SDK1: variants seen among roughly 807,000 people sequenced by gnomAD.
The protein encoded by SDK1 is protein sidekick-1.
In SDK1, 157 loss-of-function variants were observed where a neutral mutation model predicts 245.5. The ratio of observed to expected loss-of-function variants is 0.64; its 90% CI spans 0.56 to 0.73. The LOEUF (loss-of-function observed/expected upper bound fraction) is 0.73, where lower values mean the gene tolerates loss of function less well. Ranked by LOEUF, SDK1 falls within the 30% of genes least tolerant of loss-of-function variation. The pLI is 0.00. For synonymous variants in SDK1, 1,647 were observed against 1,278.5 expected (o/e 1.29, Z -6.15); for missense variants, 3,583 against 3,002.3 (o/e 1.19, Z -4.52).
At chr7:3,670,753 G>A (rs907547364) in intron 4 of SDK1, among the ~76,000 whole-genome samples, 2 of 152,142 alleles carry the variant, frequency 1.3e-5, no homozygotes, top group African/African-American at 2.4e-5. Flanking sequence ...TGCAGCAAAG[G>A]ACCTTACATC....
chr7:3,432,604 G>A (rs1012811104), intron 1 of SDK1, among the ~76,000 whole-genome samples: 46 of 152,082 alleles, frequency 3.0e-4, no homozygotes, highest in African/African-American at 9.2e-4. Flanking sequence ...GCTAGGTTTC[G>A]CATAGAAAAA....
intron 4 of SDK1, among the ~76,000 whole-genome samples, chr7:3,805,061 A>G (rs1779207626): frequency 6.6e-6 from 1 of 152,214 alleles, no homozygotes; most frequent in Admixed American, 6.5e-5. Context: ...ACATGAGGTA[A>G]TGTATGGTTA....
intron 22 of SDK1, among the ~76,000 whole-genome samples, chr7:4,093,458 C>CAAAAAAA (rs71032922): frequency 1.2e-4 from 9 of 77,780 alleles, no homozygotes; most frequent in Non-Finnish European, 2.0e-4. Context: ...AAATGGAAAG[C>CAAAAAAA]AAAAAAAAAA....
chr7:3,892,125 T>TGCC (rs1262942722), intron 5 of SDK1, among the ~76,000 whole-genome samples: 50 of 152,332 alleles, frequency 3.3e-4, no homozygotes, highest in Non-Finnish European at 8.8e-5. Flanking sequence ...CTTTCCAGCT[T>TGCC]GCCATCACCT....
chr7:4,016,473 ATCT>A (rs952640712), intron 16 of SDK1, among the ~76,000 whole-genome samples: 13 of 152,208 alleles, frequency 8.5e-5, no homozygotes, highest in African/African-American at 3.1e-4. Flanking sequence ...TACAATGCAA[ATCT>A]TCTCACAGTA....
rs139643573 is a variant in SDK1, at chr7:3,626,285, A to G, written c.458+7046A>G. Among the ~76,000 whole-genome samples the G allele has an allele frequency of 7.6e-4, 115 of 152,292 alleles. 2 individuals are homozygous for G. The highest frequency in any genetic ancestry group is 1.3e-3 in the Non-Finnish European group (90 of 68,018). On this transcript the variant is annotated intron_variant, in intron 2 of 44. Transcript: ENST00000404826. The stretch of plus-strand genomic sequence containing the variant: ...AGAGTAAGAGGACAAAATTGAGTCT[A>G]TTCCTTGAACCCCTCAGTGTAACTT...
chr7:3,321,979 G>T (rs574391733), intron 1 of SDK1, among the ~76,000 whole-genome samples: 156 of 150,632 alleles, frequency 1.0e-3, no homozygotes, highest in African/African-American at 3.6e-3. Context: ...TCCCTCTACA[G>T]GTCATCATTT....
intron 16 of SDK1, among the ~76,000 whole-genome samples, chr7:4,014,716 C>T (rs1450972922): frequency 6.6e-6 from 1 of 152,110 alleles, no homozygotes; most frequent in Admixed American, 6.5e-5. Context: ...CCTTTATAAA[C>T]GTTCTCCTGT....
chr7:3,383,095 C>T (rs938431818), intron 1 of SDK1, among the ~76,000 whole-genome samples: 3 of 152,070 alleles, frequency 2.0e-5, no homozygotes, highest in African/African-American at 4.8e-5. Flanking sequence ...TAAAAAAAAT[C>T]CCATTCAAAA....
Position 4,248,741 on chromosome 7 carries a change from C to G in SDK1, c.6381+2936C>G, listed in dbSNP as rs532199455. Among the ~76,000 whole-genome samples the G allele has an allele frequency of 8.5e-5, 13 of 152,158 alleles. No individual in the cohort carries two copies. The South Asian group carries it at 1.5e-3, about 17-fold the overall frequency. ...GCACACGCACATACCCAAATATGTA[C>G]ATGCAAAAATTTGCATGTGCACACA... On this transcript the variant is annotated intron_variant, in intron 44 of 44. Transcript: ENST00000404826.
intron 13 of SDK1, among the ~76,000 whole-genome samples, chr7:3,986,586 C>T (rs1333703786): frequency 6.6e-6 from 1 of 152,154 alleles, no homozygotes; most frequent in Non-Finnish European, 1.5e-5. Flanking sequence ...GTAGGCCGGG[C>T]ATGGTGGCTC....
intron 1 of SDK1, among the ~76,000 whole-genome samples, chr7:3,601,862 G>A (rs1206931728): frequency 2.3e-5 from 3 of 132,260 alleles, no homozygotes; most frequent in Non-Finnish European, 4.6e-5. Flanking sequence ...AGTGTGTGAT[G>A]TTCCCCTTCC....
intron 4 of SDK1, among the ~76,000 whole-genome samples, chr7:3,673,626 T>G (rs998959641): frequency 1.3e-5 from 2 of 152,212 alleles, no homozygotes; most frequent in South Asian, 4.1e-4. Context: ...CATGTTGTTT[T>G]GGATATTCTG....
intron 5 of SDK1, among the ~76,000 whole-genome samples, chr7:3,826,511 G>C (rs1779779559): frequency 1.3e-5 from 2 of 152,194 alleles, no homozygotes; most frequent in African/African-American, 4.8e-5. Context: ...TGATTGTGCT[G>C]GTGTTGTGAG....
chr7:3,350,868 G>A (rs113843901), intron 1 of SDK1, among the ~76,000 whole-genome samples: 2,097 of 152,216 alleles, frequency 0.014, 45 homozygotes, highest in Non-Finnish European at 0.013. Context: ...ATTAAAAGTA[G>A]AATGACACCG....
chr7:3,431,961 G>A (rs1000545161), intron 1 of SDK1, among the ~76,000 whole-genome samples: 1 of 151,652 alleles, frequency 6.6e-6, no homozygotes, highest in Non-Finnish European at 1.5e-5. Context: ...TTTAAACTGT[G>A]ATTAACAAAT....
intron 44 of SDK1, among the ~76,000 whole-genome samples, chr7:4,259,390 G>T (rs1298831986): frequency 6.6e-6 from 1 of 152,186 alleles, no homozygotes; most frequent in African/African-American, 2.4e-5. Context: ...AGCCAAGATC[G>T]TACCACTGCA....
chr7:4,124,507 C>T (rs1250093331), intron 25 of SDK1, among the ~76,000 whole-genome samples: 1 of 152,168 alleles, frequency 6.6e-6, no homozygotes, highest in Non-Finnish European at 1.5e-5. Context: ...GGGCACTAGT[C>T]ATACTGGATC....
intron 42 of SDK1, among the ~76,000 whole-genome samples, chr7:4,241,452 T>C (rs543777504): frequency 1.3e-5 from 2 of 152,284 alleles, no homozygotes; most frequent in East Asian, 3.9e-4. Context: ...CTGGGCAACG[T>C]AGCGAGACCC....
Sources: allele counts gnomAD v4.1 joint callset (sites outside exome capture counted in the v4.1 genomes callset), GRCh38; gene constraint gnomAD v4.1.1; transcripts MANE v1.5; gene names NCBI Gene and HGNC (gene_info 2026-07-23, HGNC 2026-07-21).